Variants in MLLT10 observed in about 807,000 individuals in gnomAD.
MLLT10 encodes protein AF-10.
In MLLT10, 30 loss-of-function variants were observed where a neutral mutation model predicts 129.1. The observed-to-expected ratio is 0.23, with a 90% CI of 0.17 to 0.32. The LOEUF (loss-of-function observed/expected upper bound fraction) is 0.32, where lower values mean the gene tolerates loss of function less well. Among genes scored for constraint, MLLT10 ranks in the 10% least tolerant of loss-of-function variants. The pLI, the probability that MLLT10 is intolerant of heterozygous loss-of-function variation, is 1.00. For missense variants in MLLT10, 1,119 were observed against 1,268.3 expected (o/e 0.88, Z 1.79); for synonymous variants, 490 against 446.4 (o/e 1.10, Z -1.23).
At chr10:21,727,483 G>A (rs1051249613) in intron 15 of MLLT10, among the ~76,000 whole-genome samples, 4 of 152,132 alleles carry the variant, frequency 2.6e-5, no homozygotes, top group African/African-American at 9.7e-5. Context: ...AAAGCATACG[G>A]ATTTGCTGTG....
chr10:21,717,504 T>TCCACCA (rs1564709357), intron 14 of MLLT10, among the ~76,000 whole-genome samples: 1 of 82,044 alleles, frequency 1.2e-5, no homozygotes, highest in African/African-American at 4.5e-5. Context: ...CTCCTCCTCC[T>TCCACCA]CCTCCTCCTC....
At chr10:21,580,097 C>T (rs562764192) in intron 3 of MLLT10, among the ~76,000 whole-genome samples, 1 of 150,164 alleles carries the variant, frequency 6.7e-6, no homozygotes, top group Non-Finnish European at 1.5e-5. Flanking sequence ...TATATTACTG[C>T]AGCCTCAAAC....
intron 8 of MLLT10, 137 bp downstream of exon 8, chr10:21,617,344 A>G: frequency 2.6e-6 from 1 of 379,334 alleles, no homozygotes; most frequent in Non-Finnish European, 4.9e-6. Context: ...AATAAAGAGT[A>G]TTTAATGAAA....
At chr10:21,585,519 G>T (rs2041906607) in intron 3 of MLLT10, among the ~76,000 whole-genome samples, 1 of 152,064 alleles carries the variant, frequency 6.6e-6, no homozygotes, top group African/African-American at 2.4e-5. Context: ...ATCATTTCTT[G>T]CCACTTAAAT....
chr10:21,716,626 G>A (rs1330675036), intron 14 of MLLT10, among the ~76,000 whole-genome samples: 5 of 151,110 alleles, frequency 3.3e-5, no homozygotes, highest in Non-Finnish European at 5.9e-5. Context: ...CATGGGAAGT[G>A]GAGGCTGTAG....
chr10:21,599,110 G>A (rs1321639212), intron 5 of MLLT10, among the ~76,000 whole-genome samples: 1 of 151,168 alleles, frequency 6.6e-6, no homozygotes, highest in Non-Finnish European at 1.5e-5. Context: ...CCTGGAAAGC[G>A]GAGGTTGCAG....
intron 14 of MLLT10, among the ~76,000 whole-genome samples, chr10:21,722,141 T>C (rs960842730): frequency 3.9e-5 from 6 of 152,130 alleles, no homozygotes; most frequent in Admixed American, 6.6e-5. Flanking sequence ...GAAATAATTT[T>C]CGATATATAG....
intron 3 of MLLT10, among the ~76,000 whole-genome samples, chr10:21,565,896 A>T (rs1290884389): frequency 7.1e-6 from 1 of 141,808 alleles, no homozygotes; most frequent in Non-Finnish European, 1.5e-5. Flanking sequence ...ATGAGCCACC[A>T]TGCTTGGCTT....
chr10:21,571,490 G>A (rs1161964942), intron 3 of MLLT10, among the ~76,000 whole-genome samples: 1 of 152,206 alleles, frequency 6.6e-6, no homozygotes, highest in African/African-American at 2.4e-5. Context: ...CAGTAAGCTG[G>A]GCACACGTGC....
chr10:21,673,522 A>T lies in MLLT10; in HGVS notation c.1224A>T (p.Glu408Asp), dbSNP rs1564623913. The change falls in exon 11 of 23, where the codon GAA (glutamate) becomes GAT (aspartate). Residue 408 changes from glutamate to aspartate, a missense_variant. Transcript: ENST00000307729. ...ATAAAGGAGAGTCTGGAAGCCAGGA[A>T]GGGGGGGTAAATAGTTTTAGTACCT... is the stretch of plus-strand genomic sequence containing the variant. Reference protein sequence around the residue: ...DVHKGESGSQEGGVNSFSTLI... With the variant: ...DVHKGESGSQDGGVNSFSTLI... The T allele has an allele frequency of 6.2e-7, 1 of 1,613,650 alleles. No homozygotes were observed.
At chr10:21,684,756 A>C (rs577103589) in intron 13 of MLLT10, among the ~76,000 whole-genome samples, 3 of 152,150 alleles carry the variant, frequency 2.0e-5, no homozygotes, top group Non-Finnish European at 4.4e-5. Context: ...ACTCCTTCAC[A>C]TGGCATGTGG....
intron 5 of MLLT10, among the ~76,000 whole-genome samples, chr10:21,603,888 T>C (rs1270178853): frequency 2.0e-5 from 3 of 152,034 alleles, no homozygotes; most frequent in Non-Finnish European, 4.4e-5. Context: ...TCTTCCTTTG[T>C]CTCTGTCTCC....
chr10:21,693,589 T>C (rs372777652), intron 13 of MLLT10, among the ~76,000 whole-genome samples: 16 of 152,202 alleles, frequency 1.1e-4, no homozygotes, highest in Non-Finnish European at 2.4e-4. Flanking sequence ...TTTTGTGATA[T>C]GTCTATGTAT....
chr10:21,597,493 C>CCA (rs1243417371), intron 5 of MLLT10, among the ~76,000 whole-genome samples: 1 of 152,132 alleles, frequency 6.6e-6, no homozygotes, highest in African/African-American at 2.4e-5. Flanking sequence ...CCTCAGCGTC[C>CCA]CGAGTAGCTG....
intron 5 of MLLT10, among the ~76,000 whole-genome samples, chr10:21,598,188 A>G (rs1365795141): frequency 6.6e-6 from 1 of 152,166 alleles, no homozygotes; most frequent in African/African-American, 2.4e-5. Context: ...GATTATTTGT[A>G]TTAGTATGGA....
intron 3 of MLLT10, among the ~76,000 whole-genome samples, chr10:21,555,160 G>C (rs955185017): frequency 1.4e-4 from 22 of 151,818 alleles, no homozygotes; most frequent in African/African-American, 5.3e-4. Context: ...GCTCTCAGCT[G>C]CTCCTTATTT....
intron 9 of MLLT10, among the ~76,000 whole-genome samples, chr10:21,654,725 T>C (rs978151843): frequency 2.0e-5 from 3 of 152,196 alleles, no homozygotes; most frequent in African/African-American, 7.2e-5. Flanking sequence ...TTTGGTCAGG[T>C]TGTTATTTTA....
chr10:21,616,285 A>T (rs1296102732), intron 7 of MLLT10, among the ~76,000 whole-genome samples: 1 of 152,118 alleles, frequency 6.6e-6, no homozygotes, highest in East Asian at 1.9e-4. Context: ...TGCAAATAGA[A>T]TTTTCTTATT....
At chr10:21,617,705 C>T (rs778454901) in intron 8 of MLLT10, among the ~76,000 whole-genome samples, 1 of 152,162 alleles carries the variant, frequency 6.6e-6, no homozygotes, top group Non-Finnish European at 1.5e-5. Flanking sequence ...AATTAAAACA[C>T]TAAAAGCTTG....
Sources: gnomAD v4.1 joint callset for allele counts (sites outside exome capture counted in the v4.1 genomes callset) on GRCh38, gnomAD v4.1.1 for gene constraint, MANE v1.5 for transcripts, NCBI Gene and HGNC (gene_info 2026-07-23, HGNC 2026-07-21) for gene names.